The following AKAP13 variants were observed in gnomAD, a reference collection of about 807,000 sequenced individuals.
The protein encoded by AKAP13 is A-kinase anchor protein 13.
AKAP13 carries 80 observed loss-of-function variants against 264.5 expected under a neutral mutation model. The ratio of observed to expected loss-of-function variants is 0.30; its 90% CI spans 0.25 to 0.36. The LOEUF (loss-of-function observed/expected upper bound fraction) is 0.36. Among genes scored for constraint, AKAP13 ranks in the 10% least tolerant of loss-of-function variants. The pLI, the probability that AKAP13 is intolerant of heterozygous loss-of-function variation, is 1.00. For missense variants in AKAP13, 3,712 were observed against 3,435.2 expected (o/e 1.08, Z -2.01); for synonymous variants, 1,380 against 1,250.2 (o/e 1.10, Z -2.19).
chr15:85,547,812 A>G (rs540182337), intron 5 of AKAP13, among the ~76,000 whole-genome samples: 8 of 152,234 alleles, frequency 5.3e-5, no homozygotes, highest in African/African-American at 1.9e-4. Context: ...CCCTTTCTTT[A>G]ATTTTCTGTC....
intron 1 of AKAP13, among the ~76,000 whole-genome samples, chr15:85,463,708 T>C (rs2074612520): frequency 6.6e-6 from 1 of 152,224 alleles, no homozygotes; most frequent in Non-Finnish European, 1.5e-5. Context: ...CTGAAGCATT[T>C]GAGCTAGACT....
chr15:85,686,689 G>C lies in AKAP13; in HGVS notation c.5289+1816G>C, dbSNP rs540437729. ...CATATTGGCAGCCAGGCTTAAAATA[G>C]AGCCTTACCTTTTTTACTTACCACT... is the stretch of plus-strand genomic sequence containing the variant. On this transcript the variant is annotated intron_variant, in intron 16 of 36. Coordinates refer to ENST00000394518, the MANE Select transcript of AKAP13 (RefSeq NM_007200.5). Among the ~76,000 whole-genome samples, 15 of 151,746 alleles carry C rather than the reference G, an allele frequency of 9.9e-5. No homozygotes were observed. In the South Asian group the frequency reaches 2.9e-3, roughly 29 times the overall value.
intron 3 of AKAP13, among the ~76,000 whole-genome samples, chr15:85,531,042 G>A (rs573656823): frequency 2.0e-5 from 3 of 152,172 alleles, no homozygotes; most frequent in African/African-American, 7.2e-5. Context: ...TTTATTTTTA[G>A]TACAGACAGA....
intron 35 of AKAP13, 49 bp from the exon 36 acceptor site, chr15:85,743,443 C>G (rs563743117): frequency 1.3e-6 from 2 of 1,562,812 alleles, no homozygotes; most frequent in Non-Finnish European, 1.7e-6. Flanking sequence ...GTTGGCATCA[C>G]GGACGCTGAC....
In AKAP13 at chr15:85,581,158, G is replaced by A; in HGVS notation, c.3090G>A (p.Gln1030=). Residue 1030 remains glutamine, a synonymous_variant, in exon 7 of 37, where the codon CAG becomes CAA. Coordinates refer to ENST00000394518, the MANE Select transcript of AKAP13 (RefSeq NM_007200.5). ...PGASLATESR[Q]EALGAEHNSS... ...CAAGTCTGGCCACAGAGTCAAGGCAGGAAGCCTTGGGGGCAGAGCACAACA... is the reference window on the plus strand; with the variant it reads ...CAAGTCTGGCCACAGAGTCAAGGCAAGAAGCCTTGGGGGCAGAGCACAACA... 6.2e-7 allele frequency: 1 copy of A among 1,614,142 alleles called. No individual in the cohort carries two copies. Among genetic ancestry groups the A allele is most frequent in the Non-Finnish European group, 8.5e-7 (1 of 1,180,008 alleles).
In AKAP13 at chr15:85,448,141, T is replaced by C. The variant is rs188474987; in HGVS notation, c.-11-37569T>C. ...TGATCACTGATATTGAGCTTTTTTT[T>C]CATATGCTTGTTGGCTACATGTATG... On this transcript the variant is annotated intron_variant, in intron 1 of 36. Coordinates refer to ENST00000394518, the MANE Select transcript of AKAP13 (RefSeq NM_007200.5). 9.8e-3 allele frequency among the ~76,000 whole-genome samples: 1,486 copies of C among 152,320 alleles called. 14 individuals carry two copies. The highest frequency in any genetic ancestry group is 0.043 in the South Asian group (208 of 4,822).
intron 1 of AKAP13, among the ~76,000 whole-genome samples, chr15:85,461,450 A>C (rs1000237611): frequency 2.6e-5 from 4 of 152,132 alleles, no homozygotes; most frequent in Non-Finnish European, 1.5e-5. Flanking sequence ...AGAACTTTGC[A>C]CAGTGCTAAC....
At chr15:85,693,545 TC>T (rs1448070918) in intron 17 of AKAP13, 94 bp downstream of exon 17, 2 of 1,545,804 alleles carry the variant, frequency 1.3e-6, no homozygotes, top group Non-Finnish European at 1.7e-6. Context: ...TATCTGTTCC[TC>T]ATTTATGTGG....
chr15:85,653,363 C>T (rs2082949897), intron 10 of AKAP13, among the ~76,000 whole-genome samples: 1 of 152,156 alleles, frequency 6.6e-6, no homozygotes, highest in South Asian at 2.1e-4. Context: ...CTCATGCCTG[C>T]GTCCGTTGGA....
At chr15:85,710,536 G>C (rs1444550138) in intron 18 of AKAP13, 43 bp from the exon 19 acceptor site, 1 of 1,601,114 alleles carries the variant, frequency 6.2e-7, no homozygotes, top group South Asian at 1.1e-5. Flanking sequence ...CTCAGGGCTT[G>C]TCAGAGGTGA....
In AKAP13 at chr15:85,515,557, A is replaced by G. The variant is rs560684966; in HGVS notation, c.34-5871A>G. Among the ~76,000 whole-genome samples the G allele has an allele frequency of 2.2e-5, 3 of 139,088 alleles. No homozygotes were observed. The South Asian group carries it at 6.6e-4, about 30-fold the overall frequency. The allele number at this position is 139,088 out of a possible 152,430, so 91.2% of individuals were successfully genotyped here. On this transcript the variant is annotated intron_variant, in intron 2 of 36. Coordinates refer to ENST00000394518, the MANE Select transcript of AKAP13 (RefSeq NM_007200.5). ...TCCTTAATAGCAGCTTGTTTTTATT[A>G]AGTATTCACTCCAAAATCATGTGTT...
Position 85,655,709 on chromosome 15 carries a change from GCT to G in AKAP13, c.4672_4673del (p.Leu1558PhefsTer40). On this transcript the variant is annotated frameshift_variant, in exon 11 of 37. Transcript: ENST00000394518. LOFTEE classifies it high-confidence loss of function. ...TGCTCTGTCCTAAGGAGCTCCATGC[GCT>G]CTCTTTCTCCCTTCCGGAGGCACAG... The G allele has an allele frequency of 6.2e-7, 1 of 1,614,134 alleles. No individual in the cohort carries two copies.
chr15:85,441,562 T>C (rs563120549), intron 1 of AKAP13, among the ~76,000 whole-genome samples: 3 of 152,206 alleles, frequency 2.0e-5, no homozygotes, highest in Non-Finnish European at 4.4e-5. Flanking sequence ...TTGTCATATA[T>C]CTAAGGGATC....
At chr15:85,429,268 G>T (rs1276565535) in intron 1 of AKAP13, among the ~76,000 whole-genome samples, 2 of 152,246 alleles carry the variant, frequency 1.3e-5, no homozygotes, top group South Asian at 4.1e-4. Context: ...TTGGAATCAT[G>T]TATTACTTCT....
At chr15:85,744,513 GC>G in intron 36 of AKAP13, 114 bp from the exon 37 acceptor site, 1 of 1,093,442 alleles carries the variant, frequency 9.1e-7, no homozygotes. Flanking sequence ...AGAGTTAATT[GC>G]CCATAAGCCC....
chr15:85,430,350 A>G (rs74602188), intron 1 of AKAP13, among the ~76,000 whole-genome samples: 6 of 152,220 alleles, frequency 3.9e-5, no homozygotes, highest in African/African-American at 1.4e-4. Context: ...GTAAAAATTT[A>G]GTTAGTTAAC....
At chr15:85,419,662 A>T (rs2072420147) in intron 1 of AKAP13, among the ~76,000 whole-genome samples, 1 of 152,162 alleles carries the variant, frequency 6.6e-6, no homozygotes, top group Non-Finnish European at 1.5e-5. Flanking sequence ...GAGATGGTTA[A>T]CCAGTATTTA....
At chr15:85,656,469 T>C (rs924645533) in intron 11 of AKAP13, among the ~76,000 whole-genome samples, 2 of 151,970 alleles carry the variant, frequency 1.3e-5, no homozygotes, top group African/African-American at 4.8e-5. Flanking sequence ...TTTCCTGAGA[T>C]GGAGTCTCGC....
chr15:85,458,453 C>G (rs1210178399), intron 1 of AKAP13, among the ~76,000 whole-genome samples: 6 of 130,012 alleles, frequency 4.6e-5, no homozygotes, highest in Non-Finnish European at 7.7e-5. Context: ...TTAGTTATCA[C>G]TTTACATTGA....
Sources: allele counts gnomAD v4.1 joint callset (sites outside exome capture counted in the v4.1 genomes callset), GRCh38; gene constraint gnomAD v4.1.1; transcripts MANE v1.5; gene names NCBI Gene and HGNC (gene_info 2026-07-23, HGNC 2026-07-21).